The following BMERB1 variants were observed in gnomAD, a reference collection of about 807,000 sequenced individuals.
BMERB1 encodes bMERB domain-containing protein 1.
A neutral mutation model predicts 23.6 loss-of-function variants in BMERB1; 12 were observed. The observed-to-expected ratio is 0.51, with a 90% CI of 0.33 to 0.82. The LOEUF (loss-of-function observed/expected upper bound fraction) is 0.82. BMERB1 is among the 40% of genes least tolerant of loss of function. The pLI, the probability that BMERB1 is intolerant of heterozygous loss-of-function variation, is 0.03. For synonymous variants in BMERB1, 122 were observed against 96.6 expected, an observed-to-expected ratio of 1.26 and a Z score of -1.54; for missense variants, 247 against 255.4, an observed-to-expected ratio of 0.97 and a Z score of 0.22.
At chr16:15,579,459 A>G (rs1273777203) in intron 3 of BMERB1, among the ~76,000 whole-genome samples, 1 of 152,142 alleles carries the variant, frequency 6.6e-6, no homozygotes, top group Non-Finnish European at 1.5e-5. Context: ...GAGAGAAACC[A>G]ACTTTCTGTC....
intron 1 of BMERB1, among the ~76,000 whole-genome samples, chr16:15,500,485 A>G (rs914630193): frequency 1.3e-5 from 2 of 152,098 alleles, no homozygotes; most frequent in Non-Finnish European, 2.9e-5. Context: ...AGGGAAGCAG[A>G]AGAGTCCTGA....
intron 2 of BMERB1, among the ~76,000 whole-genome samples, chr16:15,554,933 T>C (rs532758820): frequency 6.6e-6 from 1 of 152,266 alleles, no homozygotes; most frequent in Non-Finnish European, 1.5e-5. Flanking sequence ...CCCAAAGTGC[T>C]GGGATTACAG....
intron 2 of BMERB1, among the ~76,000 whole-genome samples, chr16:15,541,303 G>A (rs1233612455): frequency 6.6e-6 from 1 of 151,934 alleles, no homozygotes; most frequent in Non-Finnish European, 1.5e-5. Flanking sequence ...GCACACCAGT[G>A]TGTCCACCAA....
intron 2 of BMERB1, among the ~76,000 whole-genome samples, chr16:15,519,460 G>A (rs1451443252): frequency 3.9e-5 from 6 of 152,000 alleles, no homozygotes; most frequent in African/African-American, 7.3e-5. Context: ...GTGCGATCTC[G>A]GCTCACTGCA....
At chr16:15,532,203 C>T (rs540284326) in intron 2 of BMERB1, among the ~76,000 whole-genome samples, 35 of 152,112 alleles carry the variant, frequency 2.3e-4, no homozygotes, top group African/African-American at 7.7e-4. Context: ...TTCTGCCAAA[C>T]GTGGTAGGAT....
chr16:15,491,328 A>G (rs531080242), intron 1 of BMERB1, among the ~76,000 whole-genome samples: 3 of 151,980 alleles, frequency 2.0e-5, no homozygotes, highest in Admixed American at 6.6e-5. Flanking sequence ...TCACACTCTC[A>G]TGGGAAACAC....
rs1301488750 is a variant in BMERB1, at chr16:15,467,682, CTG to C, written c.106+32925_106+32926del. ...TTTCTTGTCAATGAAGAGTCAAACT[CTG>C]TAAAATATTTGAAGATACTTATTCT... On this transcript the variant is annotated intron_variant, in intron 1 of 5. Transcript: ENST00000300006. Among the ~76,000 whole-genome samples, 5 of 152,084 alleles carry C rather than the reference CTG, an allele frequency of 3.3e-5. No homozygotes were observed. The East Asian group carries it at 9.6e-4, about 29-fold the overall frequency.
At chr16:15,498,363 G>A (rs754898261) in intron 1 of BMERB1, among the ~76,000 whole-genome samples, 1 of 151,912 alleles carries the variant, frequency 6.6e-6, no homozygotes, top group African/African-American at 2.4e-5. Context: ...GTGAGACTCC[G>A]TCTCTACAAA....
At chr16:15,505,356 C>T (rs1250969148) in intron 1 of BMERB1, among the ~76,000 whole-genome samples, 1 of 152,130 alleles carries the variant, frequency 6.6e-6, no homozygotes, top group East Asian at 1.9e-4. Context: ...AGGAGAAAGC[C>T]ACAATTTGGT....
chr16:15,510,949 G>A (rs955373118), intron 1 of BMERB1, among the ~76,000 whole-genome samples: 46 of 152,164 alleles, frequency 3.0e-4, no homozygotes, highest in African/African-American at 1.0e-3. Flanking sequence ...TGATCCGCCC[G>A]CTTCGGCCTC....
intron 1 of BMERB1, among the ~76,000 whole-genome samples, chr16:15,441,397 AAATT>A (rs1166715522): frequency 6.6e-6 from 1 of 151,492 alleles, no homozygotes; most frequent in Admixed American, 6.6e-5. Flanking sequence ...AAAAAAAAAA[AAATT>A]AAGACAGAGT....
At chr16:15,487,027 G>T (rs1392957247) in intron 1 of BMERB1, among the ~76,000 whole-genome samples, 2 of 152,194 alleles carry the variant, frequency 1.3e-5, no homozygotes, top group African/African-American at 4.8e-5. Context: ...CATTATGACA[G>T]ATTGTTTTTC....
At chr16:15,436,434 T>G (rs1027762089) in intron 1 of BMERB1, among the ~76,000 whole-genome samples, 2 of 152,086 alleles carry the variant, frequency 1.3e-5, no homozygotes, top group African/African-American at 4.8e-5. Context: ...AACTTTTGTA[T>G]TTTTAGTAGA....
At chr16:15,487,573 G>A (rs915454507) in intron 1 of BMERB1, among the ~76,000 whole-genome samples, 14 of 152,058 alleles carry the variant, frequency 9.2e-5, no homozygotes, top group Non-Finnish European at 1.9e-4. Context: ...TAAAATGAAA[G>A]CAAGTTTATT....
chr16:15,507,685 G>A (rs1267726148), intron 1 of BMERB1, among the ~76,000 whole-genome samples: 1 of 152,150 alleles, frequency 6.6e-6, no homozygotes, highest in Non-Finnish European at 1.5e-5. Flanking sequence ...TGGAAAATGT[G>A]ATCAAGAAAG....
intron 1 of BMERB1, among the ~76,000 whole-genome samples, chr16:15,508,631 C>G (rs1218971127): frequency 6.6e-6 from 1 of 151,902 alleles, no homozygotes; most frequent in African/African-American, 2.4e-5. Context: ...GGAGACCAGC[C>G]TGGGCAACAT....
intron 2 of BMERB1, among the ~76,000 whole-genome samples, chr16:15,544,773 C>G (rs1186117276): frequency 6.6e-6 from 1 of 152,158 alleles, no homozygotes; most frequent in East Asian, 1.9e-4. Flanking sequence ...CATTTCCTAG[C>G]TCATATGAGT....
chr16:15,500,965 A>G (rs115746763), intron 1 of BMERB1, among the ~76,000 whole-genome samples: 29 of 152,036 alleles, frequency 1.9e-4, no homozygotes, highest in African/African-American at 6.3e-4. Context: ...ATTGAGATCT[A>G]TTTAAAGGGT....
intron 1 of BMERB1, among the ~76,000 whole-genome samples, chr16:15,468,081 ATTTCT>A (rs1034336611): frequency 5.2e-5 from 6 of 115,336 alleles, no homozygotes; most frequent in Admixed American, 2.6e-4. Flanking sequence ...GATTGTAAAT[ATTTCT>A]TTTCTTTTTT....
Sources: gnomAD v4.1 joint callset for allele counts (sites outside exome capture counted in the v4.1 genomes callset) on GRCh38, gnomAD v4.1.1 for gene constraint, MANE v1.5 for transcripts, NCBI Gene and HGNC (gene_info 2026-07-23, HGNC 2026-07-21) for gene names.